The following HAPSTR1 variants were observed in gnomAD, a reference collection of about 807,000 sequenced individuals.
The protein encoded by HAPSTR1 is HUWE1-associated protein modifying stress responses 1.
At chr16:9,102,668 G>A in the HAPSTR1 span, among the ~76,000 whole-genome samples, 1 of 152,082 alleles carries the variant, frequency 6.6e-6, no homozygotes, top group South Asian at 2.1e-4. Flanking sequence ...TTAGACATCT[G>A]TTGAATGATG....
the HAPSTR1 span, chr16:9,107,769 C>T: frequency 6.6e-6 from 1 of 152,504 alleles, no homozygotes; most frequent in East Asian, 1.9e-4. Flanking sequence ...CTCCCAATCT[C>T]TGTAGCCTCC....
chr16:9,115,564 A>C, the HAPSTR1 span, among the ~76,000 whole-genome samples: 1 of 152,178 alleles, frequency 6.6e-6, no homozygotes. Context: ...TAACTGTGTA[A>C]GAGTTTAAGG....
chr16:9,092,938 C>G, the HAPSTR1 span: 5 of 1,606,272 alleles, frequency 3.1e-6, no homozygotes, highest in South Asian at 3.3e-5. Flanking sequence ...GTGTCAGCAG[C>G]CAGGACTTTC....
the HAPSTR1 span, among the ~76,000 whole-genome samples, chr16:9,115,760 C>T: frequency 6.6e-6 from 1 of 152,098 alleles, no homozygotes; most frequent in Non-Finnish European, 1.5e-5. Context: ...ATTACAGGCG[C>T]CTGCCACCAC....
the HAPSTR1 span, chr16:9,106,629 G>A: frequency 6.6e-6 from 1 of 151,920 alleles, no homozygotes; most frequent in Non-Finnish European, 1.5e-5. Context: ...GGTTAGCAAG[G>A]CTTAAAGACT....
At chr16:9,103,791 G>A in the HAPSTR1 span, 2 of 154,052 alleles carry the variant, frequency 1.3e-5, no homozygotes, top group Admixed American at 6.4e-5. Context: ...TAAGAGGCAG[G>A]ACCAGCAGAG....
chr16:9,092,349 C>T, the HAPSTR1 span: 2 of 1,206,772 alleles, frequency 1.7e-6, no homozygotes, highest in Non-Finnish European at 2.1e-6. Flanking sequence ...GCTCAGCGGC[C>T]GCTTCGGGGG....
the HAPSTR1 span, chr16:9,110,543 C>T: frequency 1.3e-5 from 2 of 152,112 alleles, no homozygotes; most frequent in African/African-American, 2.4e-5. Context: ...AGGAAGTTAC[C>T]ACATTTTTTT....
At chr16:9,117,438 G>C in the HAPSTR1 span, 11,304 of 153,630 alleles carry the variant, frequency 0.074, 577 homozygotes, top group Non-Finnish European at 0.11. Flanking sequence ...ACTGTGCCCT[G>C]TTTTTAGTTT....
At chr16:9,114,261 G>T in the HAPSTR1 span, among the ~76,000 whole-genome samples, 1 of 152,238 alleles carries the variant, frequency 6.6e-6, no homozygotes. Flanking sequence ...TTTGGGAAAC[G>T]TGTGTGGGTA....
the HAPSTR1 span, chr16:9,091,742 G>A: frequency 5.0e-6 from 2 of 399,332 alleles, no homozygotes; most frequent in Non-Finnish European, 4.4e-6. Flanking sequence ...AGCGCCATGG[G>A]GGGGCGTTAG....
the HAPSTR1 span, among the ~76,000 whole-genome samples, chr16:9,114,768 G>C: frequency 1.3e-5 from 2 of 152,226 alleles, no homozygotes; most frequent in Admixed American, 1.3e-4. Context: ...TTGGGTGGGA[G>C]TGCCAGCTCT....
chr16:9,100,909 T>C, the HAPSTR1 span, among the ~76,000 whole-genome samples: 12 of 152,316 alleles, frequency 7.9e-5, no homozygotes, highest in Non-Finnish European at 1.6e-4. Context: ...AGACTTTTTT[T>C]CCTCTGTTTC....
the HAPSTR1 span, chr16:9,111,163 T>C: frequency 2.6e-5 from 4 of 152,286 alleles, no homozygotes; most frequent in African/African-American, 9.6e-5. Flanking sequence ...TCCTTTCTTC[T>C]CTGTGGAAAC....
At chr16:9,091,791 A>G in the HAPSTR1 span, 1 of 377,744 alleles carries the variant, frequency 2.6e-6, no homozygotes, top group East Asian at 3.8e-5. Context: ...GGCAGCGGTT[A>G]TCTGGTCCGC....
chr16:9,096,859 T>G, the HAPSTR1 span, among the ~76,000 whole-genome samples: 2 of 152,004 alleles, frequency 1.3e-5, no homozygotes, highest in Non-Finnish European at 2.9e-5. Flanking sequence ...ATGAAAAAAT[T>G]GTAGCTTTGT....
the HAPSTR1 span, among the ~76,000 whole-genome samples, chr16:9,093,324 G>A: frequency 1.3e-5 from 2 of 152,302 alleles, no homozygotes; most frequent in East Asian, 3.9e-4. Flanking sequence ...CCCTCTCAGC[G>A]AAGAATTATC....
At chr16:9,115,909 C>G in the HAPSTR1 span, among the ~76,000 whole-genome samples, 2 of 152,138 alleles carry the variant, frequency 1.3e-5, no homozygotes, top group African/African-American at 4.8e-5. Context: ...TGCGCCTGGC[C>G]TTGGATTCAG....
At chr16:9,101,805 G>A in the HAPSTR1 span, among the ~76,000 whole-genome samples, 2 of 151,024 alleles carry the variant, frequency 1.3e-5, no homozygotes, top group South Asian at 4.2e-4. Flanking sequence ...TCCTTTGAGA[G>A]TCTGCTGTAG....
Sources: allele counts gnomAD v4.1 joint callset (sites outside exome capture counted in the v4.1 genomes callset), GRCh38; gene constraint gnomAD v4.1.1; transcripts MANE v1.5; gene names NCBI Gene and HGNC (gene_info 2026-07-23, HGNC 2026-07-21).